Variants in ADAMTS2 observed in about 807,000 individuals in gnomAD.
ADAMTS2 encodes the protein A disintegrin and metalloproteinase with thrombospondin motifs 2.
In ADAMTS2, 50 loss-of-function variants were observed where a neutral mutation model predicts 123.0. The ratio of observed to expected loss-of-function variants is 0.41; its 90% CI spans 0.32 to 0.51. ADAMTS2 has a LOEUF of 0.51. ADAMTS2 is among the 20% of genes least tolerant of loss of function. ADAMTS2 has a pLI of 0.35. For synonymous variants in ADAMTS2, 678 were observed against 695.4 expected, an observed-to-expected ratio of 0.98 and a Z score of 0.39; for missense variants, 1,494 against 1,705.2, an observed-to-expected ratio of 0.88 and a Z score of 2.18.
At chr5:179,163,555 T>C (rs926957192) in intron 5 of ADAMTS2, among the ~76,000 whole-genome samples, 11 of 152,158 alleles carry the variant, frequency 7.2e-5, no homozygotes, top group African/African-American at 9.7e-5. Flanking sequence ...CGTCACCACT[T>C]TATTCCAGAA....
intron 3 of ADAMTS2, among the ~76,000 whole-genome samples, chr5:179,270,206 C>T (rs1189925908): frequency 6.6e-6 from 1 of 152,144 alleles, no homozygotes; most frequent in African/African-American, 2.4e-5. Context: ...CTCCATGAGT[C>T]CCCGAGATCA....
intron 10 of ADAMTS2, among the ~76,000 whole-genome samples, chr5:179,144,181 C>T (rs1763216855): frequency 6.6e-6 from 1 of 152,026 alleles, no homozygotes; most frequent in African/African-American, 2.4e-5. Flanking sequence ...ACTCCATTTA[C>T]AATAGCACCA....
At position 179,332,064 on chromosome 5, in the gene ADAMTS2, T is replaced by C. The variant is rs55699293; in HGVS notation, c.534+11703A>G. Among the ~76,000 whole-genome samples the C allele has an allele frequency of 9.1e-4, 138 of 152,354 alleles. No homozygotes were observed. Among genetic ancestry groups the C allele is most frequent in the Middle Eastern group, 6.8e-3 (2 of 294 alleles). On this transcript the variant is annotated intron_variant, in intron 2 of 21. Transcript: ENST00000251582. This position sits in a 1 kb window ranked among gnomAD's most constrained non-coding sequence, Gnocchi z 4.2. Reference sequence around the variant, plus strand: ...ACAACTCCCTCCTCAGGTTCTGTAATTTGCTATTAGGTTGGTGCAAAAGTA... The same window carrying C: ...ACAACTCCCTCCTCAGGTTCTGTAACTTGCTATTAGGTTGGTGCAAAAGTA...
chr5:179,191,409 T>A (rs1051309088), intron 4 of ADAMTS2, among the ~76,000 whole-genome samples: 1 of 152,180 alleles, frequency 6.6e-6, no homozygotes, highest in Non-Finnish European at 1.5e-5. Context: ...AGAGGCTGTG[T>A]GGCCCGGCCC....
At chr5:179,195,718 G>A (rs769849231) in intron 4 of ADAMTS2, among the ~76,000 whole-genome samples, 58 of 152,284 alleles carry the variant, frequency 3.8e-4, no homozygotes, top group Non-Finnish European at 5.7e-4. Context: ...TGAGCCTTGC[G>A]TGCAGCCTCG....
At chr5:179,221,674 T>C (rs562757399) in intron 3 of ADAMTS2, among the ~76,000 whole-genome samples, 3 of 152,026 alleles carry the variant, frequency 2.0e-5, no homozygotes, top group Non-Finnish European at 4.4e-5. Flanking sequence ...GGAAACCCCA[T>C]GTGGGCGGGC....
At chr5:179,133,276 A>T (rs139896487) in intron 13 of ADAMTS2, among the ~76,000 whole-genome samples, 290 of 150,850 alleles carry the variant, frequency 1.9e-3, no homozygotes, top group African/African-American at 6.7e-3. Flanking sequence ...TTATTTTTAC[A>T]TTTTTTTTTG....
intron 4 of ADAMTS2, 42 bp downstream of exon 4, chr5:179,207,471 A>ACCCAACCCCCCCCCC: frequency 9.7e-7 from 1 of 1,026,472 alleles, no homozygotes; most frequent in Non-Finnish European, 1.5e-6. Context: ...CCCCTGGTTG[A>ACCCAACCCCCCCCCC]CCCTCCCCGC....
intron 2 of ADAMTS2, among the ~76,000 whole-genome samples, chr5:179,288,139 ACAGGCCCCTCT>A (rs34080438): frequency 0.04 from 6,110 of 152,222 alleles, 364 homozygotes; most frequent in African/African-American, 0.13. Context: ...TCCCTGGGCC[ACAGGCCCCTCT>A]CAGGACCCCT....
chr5:179,189,865 G>A lies in ADAMTS2; in HGVS notation c.892-8710C>T, dbSNP rs377346054. On this transcript the variant is annotated intron_variant, in intron 4 of 21. Coordinates refer to ENST00000251582, the MANE Select transcript of ADAMTS2 (RefSeq NM_014244.5). This position sits in a 1 kb window ranked among gnomAD's most constrained non-coding sequence, Gnocchi z 4.2. ...GTATCTTCTCAAGGGTGGGGAGGGT[G>A]TATCATACAAAGTAGATTCACAAGG... 1.9e-3 allele frequency among the ~76,000 whole-genome samples: 293 copies of A among 151,370 alleles called. 3 individuals carry two copies. Among genetic ancestry groups the A allele is most frequent in the African/African-American group, 6.8e-3 (282 of 41,190 alleles).
Position 179,181,225 on chromosome 5 carries a change from T to C in ADAMTS2, c.892-70A>G. 8.9e-7 allele frequency: 1 copy of C among 1,127,366 alleles called. No individual in the cohort carries two copies. The highest frequency in any genetic ancestry group is 1.2e-5 in the South Asian group (1 of 80,928). The allele number at this position is 1,127,366 out of a possible 1,614,324, so 69.8% of individuals were successfully genotyped here. A position where few individuals can be genotyped will look rare whatever the true frequency, so the allele number is the denominator to read the frequency against. On this transcript the variant is annotated intron_variant, in intron 4 of 21. Coordinates refer to ENST00000251582, the MANE Select transcript of ADAMTS2 (RefSeq NM_014244.5). This position sits in a 1 kb window ranked among gnomAD's most constrained non-coding sequence, Gnocchi z 4.1. ...ACTGGCTCTGGCTCTGCCAATGGGA[T>C]GACCCCCACCTGCTCCTTCTTCTTC...
intron 4 of ADAMTS2, among the ~76,000 whole-genome samples, chr5:179,182,375 G>A (rs1200165164): frequency 2.6e-5 from 4 of 152,154 alleles, no homozygotes; most frequent in South Asian, 2.1e-4. Context: ...CATACTTCCC[G>A]GAGCCTGCTG....
intron 8 of ADAMTS2, 126 bp downstream of exon 8, chr5:179,153,923 C>T (rs1763415450): frequency 7.5e-7 from 1 of 1,332,542 alleles, no homozygotes; most frequent in African/African-American, 1.4e-5. Context: ...TCTCTCCTCC[C>T]CCGCACACAA....
chr5:179,174,012 C>CAAAAA (rs371293189), intron 5 of ADAMTS2, among the ~76,000 whole-genome samples: 1 of 64,946 alleles, frequency 1.5e-5, no homozygotes, highest in Non-Finnish European at 3.2e-5. Context: ...GACTCCATCT[C>CAAAAA]AAAAAAAAAA....
At chr5:179,254,064 A>G (rs1765989428) in intron 3 of ADAMTS2, among the ~76,000 whole-genome samples, 1 of 152,240 alleles carries the variant, frequency 6.6e-6, no homozygotes. Flanking sequence ...TGCAGGAACT[A>G]GGAGGGGCCT....
At chr5:179,270,826 T>C (rs11950390) in intron 3 of ADAMTS2, among the ~76,000 whole-genome samples, 57,628 of 152,146 alleles carry the variant, frequency 0.38, 12,632 homozygotes, top group Admixed American at 0.48. Flanking sequence ...GAGCCCCTCA[T>C]GCAGGGTCTG....
Position 179,130,468 on chromosome 5 carries a change from G to A in ADAMTS2, c.2291-370C>T, listed in dbSNP as rs141309422. On this transcript the variant is annotated intron_variant, in intron 15 of 21. Transcript: ENST00000251582. The surrounding 1 kb of genome is among the most constrained non-coding windows in gnomAD (Gnocchi z 4.3). ...TGGCTGGGAGGGGTCTGTACGCGGT[G>A]CAGGGCATCTGCTGGACAGGCGAGC... 6.0e-3 allele frequency among the ~76,000 whole-genome samples: 908 copies of A among 152,334 alleles called. 29 individuals carry two copies. Among genetic ancestry groups the A allele is most frequent in the Admixed American group, 0.039 (594 of 15,296 alleles).
rs776064698 is a variant in ADAMTS2, at chr5:179,117,726, C to T, written c.3179-3402G>A. On this transcript the variant is annotated intron_variant, in intron 21 of 21. Coordinates refer to ENST00000251582, the MANE Select transcript of ADAMTS2 (RefSeq NM_014244.5). The surrounding 1 kb of genome is among the most constrained non-coding windows in gnomAD (Gnocchi z 4.2). ...CTAATTTTTGTATTTTTAGTAGAGA[C>T]GGGGTTTCGCTATGTTGGTCAGGCT... 8.6e-5 allele frequency among the ~76,000 whole-genome samples: 13 copies of T among 152,004 alleles called. No homozygotes were observed. Among genetic ancestry groups the T allele is most frequent in the African/African-American group, 2.2e-4 (9 of 41,396 alleles).
chr5:179,152,404 G>A, intron 9 of ADAMTS2, 149 bp from the exon 10 acceptor site: 1 of 796,918 alleles, frequency 1.3e-6, no homozygotes, highest in Admixed American at 2.0e-5. Context: ...GTGATTCTGG[G>A]GTGGTGAAGA....
Sources: gnomAD v4.1 joint callset for allele counts (sites outside exome capture counted in the v4.1 genomes callset) on GRCh38, gnomAD v4.1.1 for gene constraint, Gnocchi (gnomAD v3.1) non-coding constraint, MANE v1.5 for transcripts, NCBI Gene and HGNC (gene_info 2026-07-23, HGNC 2026-07-21) for gene names.